Variants in TMEM255A observed in about 807,000 individuals in gnomAD.
The protein encoded by TMEM255A is family with sequence similarity 70, member A.
Under a neutral mutation model 23.5 loss-of-function variants are expected in TMEM255A, and 14 were observed. That is an observed-to-expected ratio of 0.60 (90% confidence interval 0.39 to 0.93). The LOEUF is 0.93. Ranked by LOEUF, TMEM255A falls within the 40% of genes least tolerant of loss-of-function variation. The pLI, the probability that TMEM255A is intolerant of heterozygous loss-of-function variation, is 0.00. For missense variants in TMEM255A, 233 were observed against 261.7 expected (o/e 0.89, Z 0.76); for synonymous variants, 104 against 100.3 (o/e 1.04, Z -0.22).
At chrX:120,294,367 G>T (rs2057939787) in intron 2 of TMEM255A, among the ~76,000 whole-genome samples, 1 of 105,302 alleles carries the variant, frequency 9.5e-6, no homozygotes, top group South Asian at 4.5e-4. Flanking sequence ...CCGGGAGGCG[G>T]AGCTTGCAGT....
At chrX:120,306,662 G>C (rs1175991492) in intron 1 of TMEM255A, among the ~76,000 whole-genome samples, 4 of 112,101 alleles carry the variant, frequency 3.6e-5, no homozygotes, top group African/African-American at 1.3e-4. Flanking sequence ...GACTAAATTG[G>C]AGAAGTGTGT....
At chrX:120,297,810 AT>A (rs1344353462) in intron 2 of TMEM255A, among the ~76,000 whole-genome samples, 1 of 111,252 alleles carries the variant, frequency 9.0e-6, no homozygotes, top group African/African-American at 3.3e-5. Flanking sequence ...CAAGGACTTC[AT>A]TGTTGCCCCC....
chrX:120,254,553 C>T (rs782608837), downstream of TMEM255A: 4 of 1,211,516 alleles, frequency 3.3e-6, no homozygotes, highest in South Asian at 5.3e-5. Context: ...GATTCCTACA[C>T]TTCTTCAAGA....
chrX:120,256,985 C>G (rs142166317), downstream of TMEM255A: 4 of 122,514 alleles, frequency 3.3e-5, no homozygotes, highest in African/African-American at 1.3e-4. Flanking sequence ...ATGTATACAT[C>G]GTTCTTCTGA....
At chrX:120,310,959 A>T (rs1295971706) in intron 1 of TMEM255A, among the ~76,000 whole-genome samples, 1 of 109,384 alleles carries the variant, frequency 9.1e-6, no homozygotes, top group Non-Finnish European at 1.9e-5. Context: ...GGGATTTACC[A>T]CCGACTGCAA....
chrX:120,281,869 G>T (rs1556020959), intron 6 of TMEM255A, among the ~76,000 whole-genome samples: 1 of 112,029 alleles, frequency 8.9e-6, no homozygotes, highest in African/African-American at 3.3e-5. Context: ...CCACCTTCCT[G>T]CATGAGGCTA....
At chrX:120,274,111 A>C (rs2147187855) in intron 7 of TMEM255A, among the ~76,000 whole-genome samples, 1 of 112,548 alleles carries the variant, frequency 8.9e-6, no homozygotes, top group South Asian at 3.7e-4. Flanking sequence ...GCTACAAGGT[A>C]GATGAATTTT....
At chrX:120,283,096 G>A in intron 6 of TMEM255A, among the ~76,000 whole-genome samples, 1 of 110,485 alleles carries the variant, frequency 9.1e-6, no homozygotes, top group Non-Finnish European at 1.9e-5. Flanking sequence ...GGAGGCAAGA[G>A]GAAAGATAGT....
rs200609269 is a variant in TMEM255A at position 120,278,064 on chromosome X, TCTCCTCCTC to T, written c.513-1026_513-1018del. Among the ~76,000 whole-genome samples the T allele has an allele frequency of 7.3e-5, 8 of 109,192 alleles. No individual in the cohort carries two copies. In the East Asian group the frequency reaches 2.4e-3, roughly 32 times the overall value. The allele number at this position is 109,192 out of a possible 115,157, so 94.8% of individuals were successfully genotyped here. A position where few individuals can be genotyped will look rare whatever the true frequency, so the allele number is the denominator to read the frequency against. The stretch of plus-strand genomic sequence containing the variant: ...CTTTATAAGAAAAGGAAGATCTCGC[TCTCCTCCTC>T]CTCCTCCTCTTTTTCCCTCCTTCTC... On this transcript the variant is annotated intron_variant, in intron 6 of 8. Transcript: ENST00000371369.
At chrX:120,305,708 G>A (rs1200944341) in intron 1 of TMEM255A, among the ~76,000 whole-genome samples, 2 of 110,700 alleles carry the variant, frequency 1.8e-5, no homozygotes, top group Non-Finnish European at 3.8e-5. Context: ...AGGGGATGGA[G>A]GAAGGGGGAC....
At position 120,311,058 on chromosome X, in the gene TMEM255A, C is replaced by T. The variant is rs948116008; in HGVS notation, c.58+194G>A. Among the ~76,000 whole-genome samples, 43 of 111,111 alleles carry T rather than the reference C, an allele frequency of 3.9e-4. 1 individual carries two copies. The highest frequency in any genetic ancestry group is 3.8e-3 in the Admixed American group (40 of 10,627). On this transcript the variant is annotated intron_variant, in intron 1 of 8. Coordinates refer to ENST00000371369, the MANE Select transcript of TMEM255A (RefSeq NM_001104544.3). ...CAAGCTTGGCGCTCCGATCTCCGCA[C>T]GTCGCTCCCGCTGCAGCCAGGCCGC...
intron 7 of TMEM255A, among the ~76,000 whole-genome samples, chrX:120,270,498 A>G (rs1329376600): frequency 7.2e-5 from 8 of 111,104 alleles, no homozygotes; most frequent in Non-Finnish European, 1.5e-4. Flanking sequence ...TGGACTTTGG[A>G]AAGAATGCTA....
chrX:120,269,875 C>T (rs4382603), intron 7 of TMEM255A, among the ~76,000 whole-genome samples: 38,492 of 110,991 alleles, frequency 0.35, 5,236 homozygotes, highest in African/African-American at 0.47. Context: ...CTCCAGCTCT[C>T]GCAAAATGAA....
At chrX:120,296,751 T>A (rs1182852198) in intron 2 of TMEM255A, among the ~76,000 whole-genome samples, 1 of 28,280 alleles carries the variant, frequency 3.5e-5, no homozygotes, top group Non-Finnish European at 4.8e-5. Flanking sequence ...TTATATTATA[T>A]TATATATTAT....
intron 8 of TMEM255A, among the ~76,000 whole-genome samples, chrX:120,265,635 C>T (rs782211571): frequency 3.1e-4 from 35 of 112,336 alleles, no homozygotes; most frequent in Non-Finnish European, 5.1e-4. Flanking sequence ...TGGAATCAGT[C>T]AGCCCTAGAT....
intron 2 of TMEM255A, among the ~76,000 whole-genome samples, chrX:120,297,320 G>C (rs190281408): frequency 1.0e-5 from 1 of 98,750 alleles, no homozygotes; most frequent in East Asian, 3.2e-4. Flanking sequence ...GATTATATGA[G>C]ATGAAGTATG....
chrX:120,253,399 C>CTCT, the TMEM255A span: 2 of 1,188,680 alleles, frequency 1.7e-6, no homozygotes, highest in Non-Finnish European at 2.3e-6. Flanking sequence ...ATCCCCTCCT[C>CTCT]TCTTTCTCTT....
intron 2 of TMEM255A, among the ~76,000 whole-genome samples, chrX:120,298,877 TAG>T (rs60873568): frequency 0.053 from 5,179 of 97,366 alleles, 347 homozygotes; most frequent in African/African-American, 0.18. Flanking sequence ...ACAGAGCACC[TAG>T]AGAGAGAGAG....
intron 5 of TMEM255A, among the ~76,000 whole-genome samples, chrX:120,286,624 T>A: frequency 9.0e-6 from 1 of 111,174 alleles, no homozygotes; most frequent in Middle Eastern, 4.7e-3. Context: ...CTCTTGGAGG[T>A]GTTATGAGAG....
Sources: allele counts gnomAD v4.1 joint callset (sites outside exome capture counted in the v4.1 genomes callset), GRCh38; gene constraint gnomAD v4.1.1; transcripts MANE v1.5; gene names NCBI Gene and HGNC (gene_info 2026-07-23, HGNC 2026-07-21).